HSPA8: variants seen among roughly 807,000 people sequenced by gnomAD.
The protein encoded by HSPA8 is heat shock cognate 71 kDa protein.
A neutral mutation model predicts 52.8 loss-of-function variants in HSPA8; 2 were observed. The ratio of observed to expected loss-of-function variants is 0.04; its 90% CI spans 0.02 to 0.12. The LOEUF (loss-of-function observed/expected upper bound fraction) is 0.12, where lower values mean the gene tolerates loss of function less well. HSPA8 is among the 10% of genes least tolerant of loss of function. The pLI, the probability that HSPA8 is intolerant of heterozygous loss-of-function variation, is 1.00. For synonymous variants in HSPA8, 436 were observed against 274.0 expected, an observed-to-expected ratio of 1.59 and a Z score of -5.84; for missense variants, 349 against 800.5, an observed-to-expected ratio of 0.44 and a Z score of 6.81.
At position 123,059,224 on chromosome 11, in the gene HSPA8, C is replaced by T. The variant is rs745866854; in HGVS notation, c.1158G>A (p.Glu386=). The part of the protein sequence containing the change: ...QAAILSGDKS[E]NVQDLLLLDV... ...CCAAGAGCAGCAAATCTTGAACATT[C>T]TCAGACTTGTCTCCAGACAAGATGG... Residue 386 remains glutamate (E), a synonymous_variant, in exon 6 of 9, where the codon GAG becomes GAA. Coordinates refer to ENST00000534624, the MANE Select transcript of HSPA8 (RefSeq NM_006597.6). 1.9e-6 allele frequency: 3 copies of T among 1,612,608 alleles called. No homozygotes were observed. Among genetic ancestry groups the T allele is most frequent in the Non-Finnish European group, 2.5e-6 (3 of 1,179,938 alleles).
chr11:123,059,117 G>T lies in HSPA8; in HGVS notation c.1265C>A (p.Thr422Asn). 6 of 1,612,230 alleles carry T rather than the reference G, an allele frequency of 3.7e-6. No individual in the cohort carries two copies. Among genetic ancestry groups the T allele is most frequent in the Non-Finnish European group, 4.2e-6 (5 of 1,179,998 alleles). The change falls in exon 6 of 9, where the codon ACC becomes AAC. Residue 422 changes from threonine to asparagine, a missense_variant. Thr to Asn is a moderately conservative substitution (Grantham distance 65). Coordinates refer to ENST00000534624, the MANE Select transcript of HSPA8 (RefSeq NM_006597.6). ...GGTAGTGAAGGTCTGTGTCTGCTTG[G>T]TAGGAATGGTGGTATTACGCTTGAT... ...VLIKRNTTIP[T>N]KQTQTFTTYS... is the part of the protein sequence containing the mutation.
At chr11:123,061,551 C>G in intron 1 of HSPA8, 2 of 575,854 alleles carry the variant, frequency 3.5e-6, no homozygotes, top group Non-Finnish European at 6.2e-6. Flanking sequence ...CCCATCTACC[C>G]AGACGGCGTG....
At position 123,060,587 on chromosome 11, in the gene HSPA8, C is replaced by T. The variant is rs1865468473; in HGVS notation, c.411+6G>A. The T allele has an allele frequency of 6.2e-7, 1 of 1,611,104 alleles. No individual in the cohort carries two copies. The highest frequency in any genetic ancestry group is 2.2e-5 in the East Asian group (1 of 44,846). ...AATGCACCCCATACTGAAAAACCAA[C>T]CTCACCTTCCCAAGGTAGGCTTCTG... On this transcript the variant is annotated splice_donor_region_variant and intron_variant, in intron 3 of 8. Transcript: ENST00000534624.
Position 123,057,566 on chromosome 11 carries a change from ATGTT to A in HSPA8, c.*164_*167del, listed in dbSNP as rs1865341875. On this transcript the variant is annotated 3_prime_UTR_variant, in exon 9 of 9. Transcript: ENST00000534624. ...TACAATACAGTGTTTATAAAGTGCAATGTTATTTCCTTCCCCTGTGCATATGTTC... is the reference window on the plus strand; with the variant it reads ...TACAATACAGTGTTTATAAAGTGCAAATTTCCTTCCCCTGTGCATATGTTC... 1 of 557,940 alleles carries A rather than the reference ATGTT, an allele frequency of 1.8e-6. No individual in the cohort carries two copies. The highest frequency in any genetic ancestry group is 3.1e-5 in the East Asian group (1 of 32,224). The allele number at this position is 557,940 out of a possible 1,614,324, so 34.6% of individuals were successfully genotyped here.
chr11:123,061,536 A>C lies in HSPA8; in HGVS notation c.-5-207T>G, dbSNP rs113289052. ...ACCGCAGCAGAGCACGCCCTAGATG[A>C]AGGACCCATCTACCCAGACGGCGTG... On this transcript the variant is annotated intron_variant, in intron 1 of 8. Transcript: ENST00000534624. 738 of 593,148 alleles carry C rather than the reference A, an allele frequency of 1.2e-3. 5 individuals carry two copies. The highest frequency in any genetic ancestry group is 0.012 in the African/African-American group (648 of 53,744). 36.7% of individuals were successfully genotyped at this position (593,148 alleles called of 1,614,324 possible). A position where few individuals can be genotyped will look rare whatever the true frequency, so the allele number is the denominator to read the frequency against.
At chr11:123,060,858 G>A (rs1490255885) in intron 2 of HSPA8, 60 bp from the exon 3 acceptor site, 9 of 1,456,994 alleles carry the variant, frequency 6.2e-6, no homozygotes, top group East Asian at 2.3e-5. Flanking sequence ...TAAAACTCAA[G>A]TCCATGATTA....
At chr11:123,058,223 G>GA in intron 8 of HSPA8, 29 bp downstream of exon 8, 1 of 1,159,308 alleles carries the variant, frequency 8.6e-7, no homozygotes, top group Non-Finnish European at 1.2e-6. Flanking sequence ...TTGAGTGGGG[G>GA]AGGAAAAAAA....
At chr11:123,059,393 C>T (rs754070761) in intron 5 of HSPA8, 80 bp downstream of exon 5, 5 of 1,405,854 alleles carry the variant, frequency 3.6e-6, no homozygotes, top group Non-Finnish European at 4.9e-6. Context: ...GTGGAAACTA[C>T]GAATGTTTAA....
At chr11:123,062,380 C>T (rs931648889), upstream of HSPA8, 1 of 152,458 alleles carries the variant, frequency 6.6e-6, no homozygotes, top group Non-Finnish European at 1.5e-5. Context: ...CTCGCCCCCG[C>T]TCTCCGGACG....
At chr11:123,058,187 T>A in intron 8 of HSPA8, 65 bp downstream of exon 8, 1 of 1,029,056 alleles carries the variant, frequency 9.7e-7, no homozygotes, top group Non-Finnish European at 1.5e-6. Flanking sequence ...CAGCTCAAGC[T>A]TGGTTTACCA....
At position 123,061,172 on chromosome 11, in the gene HSPA8, G is replaced by A. The variant is rs376156706; in HGVS notation, c.153C>T (p.Ile51=). The change falls in exon 2 of 9, where the codon ATC becomes ATT. Residue 51 remains isoleucine (I), a synonymous_variant. Coordinates refer to ENST00000534624, the MANE Select transcript of HSPA8 (RefSeq NM_006597.6). ...YVAFTDTERL[I]GDAAKNQVAM... ...CAACTTGATTCTTTGCGGCATCACC[G>A]ATCAACCGTTCAGTGTCCGTAAAGG... 25 of 1,613,708 alleles carry A rather than the reference G, an allele frequency of 1.5e-5. No individual in the cohort carries two copies. Among genetic ancestry groups the A allele is most frequent in the Non-Finnish European group, 1.8e-5 (21 of 1,179,828 alleles).
Position 123,059,600 on chromosome 11 carries a change from A to T in HSPA8, c.993T>A (p.Ile331=), listed in dbSNP as rs766425028. Residue 331 remains isoleucine (I), a synonymous_variant, in exon 5 of 9, where the codon ATT becomes ATA. Transcript: ENST00000534624. ...AACCACCAACCAGGACAATATCATG[A>T]ATCTGTGACTTGTCTAGTTTGGCAT... The part of the protein sequence containing the change: ...LRDAKLDKSQ[I]HDIVLVGGST... 7 of 1,614,040 alleles carry T rather than the reference A, an allele frequency of 4.3e-6. No individual in the cohort carries two copies. The highest frequency in any genetic ancestry group is 3.3e-5 in the South Asian group (3 of 91,080).
chr11:123,061,043 C>T (rs776800706), intron 2 of HSPA8, 77 bp downstream of exon 2: 92 of 1,285,880 alleles, frequency 7.2e-5, no homozygotes, highest in Non-Finnish European at 9.6e-5. Context: ...TCAAAAAGTT[C>T]CCTCCTCACG....
chr11:123,060,535 G>T (rs1865465187), intron 3 of HSPA8, 58 bp downstream of exon 3: 2 of 1,294,400 alleles, frequency 1.5e-6, no homozygotes, highest in Non-Finnish European at 2.2e-6. Flanking sequence ...GTGCCCCCGG[G>T]AGTCATCGGG....
chr11:123,061,381 C>T, intron 1 of HSPA8, 52 bp from the exon 2 acceptor site: 1 of 1,378,850 alleles, frequency 7.3e-7, no homozygotes, highest in South Asian at 1.2e-5. Context: ...AAATATTTCC[C>T]TCATCCCTTA....
chr11:123,059,414 T>A, intron 5 of HSPA8, 59 bp downstream of exon 5: 1 of 1,453,066 alleles, frequency 6.9e-7, no homozygotes, highest in Non-Finnish European at 9.5e-7. Flanking sequence ...CAATCACTCA[T>A]CACAGCGAGT....
At chr11:123,058,940 AC>A in intron 6 of HSPA8, 110 bp from the exon 7 acceptor site, 1 of 1,388,232 alleles carries the variant, frequency 7.2e-7, no homozygotes, top group Non-Finnish European at 1.0e-6. Flanking sequence ...GAACTGGCCA[AC>A]ATAAGACTTT....
Position 123,061,612 on chromosome 11 carries a change from C to T in HSPA8, c.-5-283G>A, listed in dbSNP as rs1591440581. On this transcript the variant is annotated intron_variant, in intron 1 of 8. Transcript: ENST00000534624. ...CCCCGAACTGAGCACTGTCTGTTCCCCTCCCTCGCCAGGTGCCAGTGCCCC... is the reference window on the plus strand; with the variant it reads ...CCCCGAACTGAGCACTGTCTGTTCCTCTCCCTCGCCAGGTGCCAGTGCCCC... The T allele has an allele frequency of 6.5e-6, 3 of 465,010 alleles. No homozygotes were observed. The East Asian group carries it at 1.2e-4, about 19-fold the overall frequency. 28.8% of individuals were successfully genotyped at this position (465,010 alleles called of 1,614,324 possible).
chr11:123,059,268 A>G lies in HSPA8; in HGVS notation c.1121-7T>C, dbSNP rs1865416479. 6.2e-7 allele frequency: 1 copy of G among 1,610,302 alleles called. No homozygotes were observed. Among genetic ancestry groups the G allele is most frequent in the Non-Finnish European group, 8.5e-7 (1 of 1,177,552 alleles). On this transcript the variant is annotated splice_polypyrimidine_tract_variant and splice_region_variant and intron_variant, in intron 5 of 8. Coordinates refer to ENST00000534624, the MANE Select transcript of HSPA8 (RefSeq NM_006597.6). Reference sequence around the variant, plus strand: ...AAGATGGCTGCCTGGACAGCTAGCAAACAAAAAGTTAACGTTAAAAGAAGT... The same window carrying G: ...AAGATGGCTGCCTGGACAGCTAGCAGACAAAAAGTTAACGTTAAAAGAAGT...
Sources: allele counts gnomAD v4.1 joint callset, GRCh38; gene constraint gnomAD v4.1.1; transcripts MANE v1.5; gene names NCBI Gene and HGNC (gene_info 2026-07-23, HGNC 2026-07-21).